The following TNKS variants were observed in gnomAD, a reference collection of about 807,000 sequenced individuals.
TNKS encodes poly [ADP-ribose] polymerase tankyrase-1.
TNKS carries 72 observed loss-of-function variants against 135.8 expected under a neutral mutation model. That is an observed-to-expected ratio of 0.53 (90% confidence interval 0.44 to 0.64). TNKS has a LOEUF of 0.64. Among genes scored for constraint, TNKS ranks in the 30% least tolerant of loss-of-function variants. The pLI, the probability that TNKS is intolerant of heterozygous loss-of-function variation, is 0.00. For missense variants in TNKS, 1,769 were observed against 1,674.0 expected (o/e 1.06, Z -0.99); for synonymous variants, 849 against 649.3 (o/e 1.31, Z -4.68).
chr8:9,589,462 C>A (rs1798506991), intron 2 of TNKS, among the ~76,000 whole-genome samples: 1 of 152,230 alleles, frequency 6.6e-6, no homozygotes, highest in Non-Finnish European at 1.5e-5. Flanking sequence ...GCTCCAAGAA[C>A]TTTAGCAGCA....
intron 2 of TNKS, among the ~76,000 whole-genome samples, chr8:9,582,830 A>G (rs896990993): frequency 6.6e-6 from 1 of 152,128 alleles, no homozygotes; most frequent in South Asian, 2.1e-4. Flanking sequence ...GTGGTACAGA[A>G]TTCCCATTTC....
intron 1 of TNKS, among the ~76,000 whole-genome samples, chr8:9,571,380 G>T (rs1468832439): frequency 6.6e-6 from 1 of 152,200 alleles, no homozygotes; most frequent in Non-Finnish European, 1.5e-5. Context: ...AGGAATTGTA[G>T]TTTGGATATA....
intron 5 of TNKS, among the ~76,000 whole-genome samples, chr8:9,702,309 G>GCA (rs750772294): frequency 0.014 from 2,113 of 149,990 alleles, 24 homozygotes; most frequent in Middle Eastern, 0.048. Context: ...GCGTGTGCGT[G>GCA]CACACACACA....
chr8:9,697,606 C>G (rs1424323606), intron 5 of TNKS, among the ~76,000 whole-genome samples: 2 of 151,998 alleles, frequency 1.3e-5, no homozygotes, highest in Admixed American at 6.6e-5. Context: ...AAAAACCAGT[C>G]CCATCAAAAA....
chr8:9,735,755 G>A (rs866382344), intron 17 of TNKS, among the ~76,000 whole-genome samples: 2 of 151,980 alleles, frequency 1.3e-5, no homozygotes, highest in African/African-American at 2.4e-5. Context: ...AGCCCAGATC[G>A]CGCCACTGCA....
At chr8:9,741,706 T>C (rs769103445) in intron 17 of TNKS, 3 of 530,146 alleles carry the variant, frequency 5.7e-6, no homozygotes, top group South Asian at 4.2e-5. Context: ...CGATGACCAC[T>C]GTGAAGACAG....
chr8:9,572,651 G>C (rs1198194809), intron 1 of TNKS, among the ~76,000 whole-genome samples: 1 of 152,176 alleles, frequency 6.6e-6, no homozygotes, highest in African/African-American at 2.4e-5. Context: ...GAGAAAGCGA[G>C]TAGAATTAGA....
At chr8:9,716,076 C>A (rs1039690155) in intron 11 of TNKS, among the ~76,000 whole-genome samples, 6 of 152,196 alleles carry the variant, frequency 3.9e-5, no homozygotes, top group Non-Finnish European at 8.8e-5. Flanking sequence ...CTGTTAAATA[C>A]GTGAAACATG....
chr8:9,707,366 G>C (rs62491551), intron 8 of TNKS, among the ~76,000 whole-genome samples: 1 of 152,008 alleles, frequency 6.6e-6, no homozygotes, highest in Non-Finnish European at 1.5e-5. Flanking sequence ...TTACATTCTT[G>C]TGCTATTGAC....
intron 2 of TNKS, among the ~76,000 whole-genome samples, chr8:9,592,012 G>A (rs1490545262): frequency 6.6e-6 from 1 of 152,140 alleles, no homozygotes; most frequent in African/African-American, 2.4e-5. Flanking sequence ...GCTATTTCAT[G>A]TGAAAACTTG....
intron 3 of TNKS, among the ~76,000 whole-genome samples, chr8:9,671,628 G>GGGC (rs1159811772): frequency 2.0e-5 from 3 of 152,214 alleles, no homozygotes; most frequent in Middle Eastern, 3.4e-3. Context: ...GATTTCAGAG[G>GGGC]GGCCTGACTT....
intron 1 of TNKS, among the ~76,000 whole-genome samples, chr8:9,571,616 C>G (rs1231869500): frequency 6.6e-6 from 1 of 152,148 alleles, no homozygotes; most frequent in Non-Finnish European, 1.5e-5. Context: ...CACCACCACG[C>G]CTGGCTATTT....
chr8:9,668,475 A>G (rs1585304712), intron 3 of TNKS, among the ~76,000 whole-genome samples: 1 of 152,374 alleles, frequency 6.6e-6, no homozygotes, highest in Middle Eastern at 3.4e-3. Flanking sequence ...CATAATGGTT[A>G]GAAATATAAT....
intron 2 of TNKS, among the ~76,000 whole-genome samples, chr8:9,597,805 G>C (rs1798848375): frequency 6.6e-6 from 1 of 152,144 alleles, no homozygotes; most frequent in African/African-American, 2.4e-5. Flanking sequence ...GACAGATGAG[G>C]AATTATGTTA....
At chr8:9,681,199 T>C (rs1293134007) in intron 5 of TNKS, 1 of 154,738 alleles carries the variant, frequency 6.5e-6, no homozygotes, top group Admixed American at 6.5e-5. Flanking sequence ...GTTTGCTAGA[T>C]ACCAACACTT....
At chr8:9,724,061 G>T (rs1052725257) in intron 12 of TNKS, among the ~76,000 whole-genome samples, 1 of 151,956 alleles carries the variant, frequency 6.6e-6, no homozygotes, top group East Asian at 1.9e-4. Flanking sequence ...GCTTCCTAGC[G>T]TTTCTAACTT....
chr8:9,624,681 A>G (rs1214356336), intron 3 of TNKS, among the ~76,000 whole-genome samples: 4 of 152,182 alleles, frequency 2.6e-5, no homozygotes, highest in Non-Finnish European at 5.9e-5. Flanking sequence ...CTGGCCTTAT[A>G]GAATGAGTTA....
intron 1 of TNKS, among the ~76,000 whole-genome samples, chr8:9,562,281 A>G (rs1464983121): frequency 6.6e-6 from 1 of 152,138 alleles, no homozygotes; most frequent in Non-Finnish European, 1.5e-5. Flanking sequence ...CTCCCAGGCT[A>G]TGAATTACTG....
intron 26 of TNKS, among the ~76,000 whole-genome samples, chr8:9,771,576 GAAGA>G (rs893999338): frequency 7.4e-6 from 1 of 135,146 alleles, no homozygotes; most frequent in African/African-American, 2.8e-5. Context: ...AGAGAGGAAG[GAAGA>G]GAGAAAGGGA....
Sources: allele counts gnomAD v4.1 joint callset (sites outside exome capture counted in the v4.1 genomes callset), GRCh38; gene constraint gnomAD v4.1.1; transcripts MANE v1.5; gene names NCBI Gene and HGNC (gene_info 2026-07-23, HGNC 2026-07-21).